Variants in ANK2 observed in about 807,000 individuals in gnomAD.
ANK2 encodes ankyrin 2.
Under a neutral mutation model 360.5 loss-of-function variants are expected in ANK2, and 83 were observed. That is an observed-to-expected ratio of 0.23 (90% CI 0.19 to 0.28). The LOEUF (loss-of-function observed/expected upper bound fraction) is 0.28, where lower values mean the gene tolerates loss of function less well. Among genes scored for constraint, ANK2 ranks in the 10% least tolerant of loss-of-function variants. ANK2 has a pLI of 1.00. For missense variants in ANK2, 4,201 were observed against 4,795.7 expected (o/e 0.88, Z 3.66); for synonymous variants, 1,740 against 1,759.5 (o/e 0.99, Z 0.28).
At chr4:113,047,333 C>T (rs2064843469), upstream of ANK2, among the ~76,000 whole-genome samples, 1 of 152,170 alleles carries the variant, frequency 6.6e-6, no homozygotes, top group African/African-American at 2.4e-5. Context: ...TTTTTGTTTA[C>T]CACCTAGTTC....
intron 2 of ANK2, among the ~76,000 whole-genome samples, chr4:112,923,509 T>C (rs2091990860): frequency 6.6e-6 from 1 of 151,902 alleles, no homozygotes; most frequent in Non-Finnish European, 1.5e-5. Context: ...TACATAAAAT[T>C]GGGGAAAAAT....
upstream of ANK2, among the ~76,000 whole-genome samples, chr4:113,049,334 T>G (rs1477981330): frequency 6.6e-6 from 1 of 152,212 alleles, no homozygotes; most frequent in Non-Finnish European, 1.5e-5. Flanking sequence ...TTTCTCATTA[T>G]GCATTGTATC....
At chr4:113,307,090 T>G (rs185295230) in intron 23 of ANK2, among the ~76,000 whole-genome samples, 1 of 152,362 alleles carries the variant, frequency 6.6e-6, no homozygotes, top group East Asian at 1.9e-4. Flanking sequence ...GTGACTCATG[T>G]ATGCCTTATT....
chr4:113,078,119 G>A (rs1404637547), intron 1 of ANK2, among the ~76,000 whole-genome samples: 1 of 152,150 alleles, frequency 6.6e-6, no homozygotes, highest in East Asian at 1.9e-4. Context: ...TTAGGTGATC[G>A]TGTTCCCATT....
At chr4:112,853,621 C>T (rs1037183) in intron 1 of ANK2, among the ~76,000 whole-genome samples, 19,576 of 152,172 alleles carry the variant, frequency 0.13, 2,020 homozygotes, top group East Asian at 0.5. Context: ...GAATTGTTTC[C>T]TTTAAGTAGA....
intron 2 of ANK2, among the ~76,000 whole-genome samples, chr4:113,191,066 A>T (rs959113038): frequency 6.6e-6 from 1 of 152,202 alleles, no homozygotes; most frequent in Non-Finnish European, 1.5e-5. Context: ...GAGGCTGGGT[A>T]TGGTGGTTCA....
chr4:112,744,815 T>C, the ANK2 span, among the ~76,000 whole-genome samples: 1 of 152,246 alleles, frequency 6.6e-6, no homozygotes, highest in Non-Finnish European at 1.5e-5. Flanking sequence ...AAGCTTTTTC[T>C]CTCATTTTTG....
rs2154053509 is a variant in ANK2 at position 113,365,153 on chromosome 4, A to G, written c.11003A>G (p.Glu3668Gly). The change falls in exon 41 of 46, where the codon GAA becomes GGA. Residue 3668 changes from glutamate to glycine, a missense_variant. Physicochemically the swap from Glu to Gly is moderately conservative, Grantham distance 98. This residue lies in a region of ANK2 where 2,642 missense variants were observed against 2,714.5 expected (regional missense o/e 0.97). Coordinates refer to ENST00000357077, the MANE Select transcript of ANK2 (RefSeq NM_001148.6). The stretch of plus-strand genomic sequence containing the variant: ...ATCAGTCATAGTTATGCAGAAATTG[A>G]ACAGACCATTACACTGGATCATAGT... Reference protein sequence around the residue: ...ERISHSYAEIEQTITLDHSEG... With the variant: ...ERISHSYAEIGQTITLDHSEG... 6.2e-7 allele frequency: 1 copy of G among 1,613,778 alleles called. No individual in the cohort carries two copies. The highest frequency in any genetic ancestry group is 8.5e-7 in the Non-Finnish European group (1 of 1,179,912).
At chr4:112,788,663 C>T in the ANK2 span, 7 of 1,601,158 alleles carry the variant, frequency 4.4e-6, no homozygotes, top group Non-Finnish European at 5.9e-6. Context: ...CTTTCAGCCG[C>T]TTATAGAGGA....
intron 2 of ANK2, among the ~76,000 whole-genome samples, chr4:112,935,010 G>A (rs953233245): frequency 1.3e-5 from 2 of 152,116 alleles, no homozygotes; most frequent in Non-Finnish European, 2.9e-5. Flanking sequence ...AACAATGGGG[G>A]ACAAAGTCCT....
intron 26 of ANK2, among the ~76,000 whole-genome samples, chr4:113,324,749 A>G (rs1340504609): frequency 6.6e-6 from 1 of 152,186 alleles, no homozygotes; most frequent in Non-Finnish European, 1.5e-5. Context: ...ATCGGATTTA[A>G]TCTGAGGCCC....
intron 2 of ANK2, among the ~76,000 whole-genome samples, chr4:113,007,249 A>C (rs987613545): frequency 6.6e-6 from 1 of 152,178 alleles, no homozygotes; most frequent in African/African-American, 2.4e-5. Flanking sequence ...TTTGACCTTC[A>C]TCTTGTCCTC....
At chr4:113,242,833 A>G (rs1397568975) in intron 9 of ANK2, among the ~76,000 whole-genome samples, 1 of 152,174 alleles carries the variant, frequency 6.6e-6, no homozygotes, top group Non-Finnish European at 1.5e-5. Flanking sequence ...AGTAGAGTTC[A>G]GTTGTTAAAA....
chr4:112,970,119 G>T (rs1039064206), intron 2 of ANK2, among the ~76,000 whole-genome samples: 5 of 151,808 alleles, frequency 3.3e-5, no homozygotes, highest in African/African-American at 1.2e-4. Flanking sequence ...AAGTAGCTGG[G>T]ATTACAGGCG....
At chr4:113,160,240 TAATA>T (rs1052929294) in intron 1 of ANK2, 1 of 277,076 alleles carries the variant, frequency 3.6e-6, no homozygotes, top group African/African-American at 2.3e-5. Context: ...TTAAAAAAAT[TAATA>T]AATAGAGACA....
the ANK2 span, among the ~76,000 whole-genome samples, chr4:112,711,421 G>T: frequency 1.3e-5 from 2 of 152,170 alleles, no homozygotes; most frequent in African/African-American, 4.8e-5. Context: ...TACTTGGGAA[G>T]CTGAGGTGGG....
the ANK2 span, among the ~76,000 whole-genome samples, chr4:112,792,291 T>G: frequency 0.023 from 3,526 of 152,176 alleles, 116 homozygotes; most frequent in African/African-American, 0.079. Flanking sequence ...TCCGCCCACC[T>G]CAGCCTCCCA....
intron 1 of ANK2, among the ~76,000 whole-genome samples, chr4:112,861,389 A>T (rs1024110943): frequency 6.6e-6 from 1 of 152,224 alleles, no homozygotes; most frequent in Non-Finnish European, 1.5e-5. Context: ...TATCGGACTA[A>T]CTATATTTTC....
intron 17 of ANK2, among the ~76,000 whole-genome samples, chr4:113,278,789 C>G (rs2061200842): frequency 6.6e-6 from 1 of 151,864 alleles, no homozygotes; most frequent in Non-Finnish European, 1.5e-5. Context: ...TGCCTATAAA[C>G]CAGTAGAGAT....
Sources: allele counts gnomAD v4.1 joint callset (sites outside exome capture counted in the v4.1 genomes callset), GRCh38; gene constraint gnomAD v4.1.1; regional missense constraint gnomAD v4.1.1; transcripts MANE v1.5; gene names NCBI Gene and HGNC (gene_info 2026-07-23, HGNC 2026-07-21).